Variants in CSMD1 observed in about 807,000 individuals in gnomAD.
CSMD1 encodes CUB and sushi domain-containing protein 1.
Under a neutral mutation model 417.5 loss-of-function variants are expected in CSMD1, and 213 were observed. The observed-to-expected ratio is 0.51, with a 90% CI of 0.46 to 0.57. The LOEUF (loss-of-function observed/expected upper bound fraction) is 0.57. Ranked by LOEUF, CSMD1 falls within the 20% of genes least tolerant of loss-of-function variation. The pLI is 0.00. For synonymous variants in CSMD1, 2,862 were observed against 1,736.8 expected, an observed-to-expected ratio of 1.65 and a Z score of -16.11; for missense variants, 6,923 against 4,529.7, an observed-to-expected ratio of 1.53 and a Z score of -15.17.
chr8:3,821,211 C>T (rs531337501), intron 5 of CSMD1, among the ~76,000 whole-genome samples: 4 of 152,130 alleles, frequency 2.6e-5, no homozygotes, highest in African/African-American at 7.2e-5. Flanking sequence ...AACCACCGTA[C>T]CCAGCTCTAG....
chr8:4,185,267 G>A (rs1000263673), intron 3 of CSMD1, among the ~76,000 whole-genome samples: 13 of 151,706 alleles, frequency 8.6e-5, no homozygotes, highest in East Asian at 3.9e-4. Context: ...CTTGCAATTC[G>A]TCATGATCTT....
chr8:4,487,093 TC>T (rs1008969027), intron 2 of CSMD1, among the ~76,000 whole-genome samples: 3 of 152,136 alleles, frequency 2.0e-5, no homozygotes, highest in African/African-American at 7.2e-5. Flanking sequence ...CTTTTTGCCA[TC>T]TTAGCCTCAA....
At chr8:4,863,626 C>T (rs145016642) in intron 1 of CSMD1, among the ~76,000 whole-genome samples, 1 of 152,128 alleles carries the variant, frequency 6.6e-6, no homozygotes, top group African/African-American at 2.4e-5. Context: ...TCCCACCTCT[C>T]CATATCCACC....
chr8:3,217,286 G>A (rs1016721685), intron 29 of CSMD1, among the ~76,000 whole-genome samples: 1 of 152,208 alleles, frequency 6.6e-6, no homozygotes, highest in Non-Finnish European at 1.5e-5. Context: ...CTCCACTGGA[G>A]AGCTTTTAAA....
At chr8:3,925,498 T>C (rs1388208919) in intron 5 of CSMD1, among the ~76,000 whole-genome samples, 1 of 152,192 alleles carries the variant, frequency 6.6e-6, no homozygotes, top group Non-Finnish European at 1.5e-5. Flanking sequence ...AAGACACTGA[T>C]GCGGTTTGGC....
At chr8:3,805,626 A>C (rs1454809004) in intron 5 of CSMD1, among the ~76,000 whole-genome samples, 1 of 152,156 alleles carries the variant, frequency 6.6e-6, no homozygotes, top group Non-Finnish European at 1.5e-5. Context: ...TAGAAAGGAT[A>C]TTACCTTGGT....
chr8:3,448,785 G>C (rs10109781), intron 12 of CSMD1, among the ~76,000 whole-genome samples: 61,468 of 152,016 alleles, frequency 0.4, 13,227 homozygotes, highest in Middle Eastern at 0.51. Flanking sequence ...TCAGGCAATA[G>C]TGAGTGACTT....
At chr8:4,706,689 A>G (rs1387687750) in intron 1 of CSMD1, among the ~76,000 whole-genome samples, 1 of 152,316 alleles carries the variant, frequency 6.6e-6, no homozygotes, top group East Asian at 1.9e-4. Flanking sequence ...GAAGTTAATA[A>G]TGGCATGAAA....
intron 6 of CSMD1, among the ~76,000 whole-genome samples, chr8:3,728,253 AT>A (rs1802612133): frequency 6.6e-6 from 1 of 151,990 alleles, no homozygotes; most frequent in Non-Finnish European, 1.5e-5. Context: ...CTTGGTTCTT[AT>A]TCTCTCTTTG....
intron 3 of CSMD1, among the ~76,000 whole-genome samples, chr8:4,322,966 C>T (rs772765865): frequency 1.3e-5 from 2 of 152,170 alleles, no homozygotes; most frequent in African/African-American, 4.8e-5. Flanking sequence ...GCCTGGGTGA[C>T]AGAGCGAGAC....
At chr8:3,513,331 C>A (rs1797156244) in intron 10 of CSMD1, among the ~76,000 whole-genome samples, 2 of 150,998 alleles carry the variant, frequency 1.3e-5, no homozygotes, top group South Asian at 4.2e-4. Flanking sequence ...TTGTCACTTG[C>A]CCACAGATTT....
At chr8:4,173,749 T>C (rs1797890940) in intron 3 of CSMD1, among the ~76,000 whole-genome samples, 1 of 152,052 alleles carries the variant, frequency 6.6e-6, no homozygotes, top group South Asian at 2.1e-4. Context: ...ATAAAAAACT[T>C]ATTTTCAATA....
At chr8:3,779,581 T>C (rs1334632016) in intron 5 of CSMD1, among the ~76,000 whole-genome samples, 3 of 152,208 alleles carry the variant, frequency 2.0e-5, no homozygotes, top group Non-Finnish European at 4.4e-5. Context: ...CCAAAAGCAA[T>C]TATGCTGCTG....
At chr8:3,523,011 A>G (rs1797573065) in intron 10 of CSMD1, among the ~76,000 whole-genome samples, 1 of 113,548 alleles carries the variant, frequency 8.8e-6, no homozygotes, top group African/African-American at 3.8e-5. Context: ...ATATATACAC[A>G]CACCCACACA....
chr8:3,729,440 T>A (rs1585144847), intron 6 of CSMD1, among the ~76,000 whole-genome samples: 1 of 152,066 alleles, frequency 6.6e-6, no homozygotes, highest in African/African-American at 2.4e-5. Flanking sequence ...GGATATAATA[T>A]CCGCCAGTAG....
chr8:4,662,401 C>A (rs1804661853), intron 1 of CSMD1, among the ~76,000 whole-genome samples: 1 of 152,128 alleles, frequency 6.6e-6, no homozygotes, highest in African/African-American at 2.4e-5. Flanking sequence ...GCATTAGATT[C>A]TACAAAAAGA....
intron 1 of CSMD1, among the ~76,000 whole-genome samples, chr8:4,925,758 AG>A (rs1440770623): frequency 6.6e-6 from 1 of 152,124 alleles, no homozygotes; most frequent in Admixed American, 6.5e-5. Flanking sequence ...CGTGTTGGTC[AG>A]GATGGTCTCA....
intron 2 of CSMD1, among the ~76,000 whole-genome samples, chr8:4,490,337 G>A (rs530507525): frequency 9.2e-4 from 140 of 152,214 alleles, no homozygotes; most frequent in Non-Finnish European, 1.8e-3. Context: ...ACCATATCCA[G>A]CCCAGATATC....
chr8:3,859,544 G>A (rs754941389), intron 5 of CSMD1, among the ~76,000 whole-genome samples: 1 of 152,098 alleles, frequency 6.6e-6, no homozygotes, highest in African/African-American at 2.4e-5. Flanking sequence ...TCAGGGCGAG[G>A]CTAACTACAT....
Sources: gnomAD v4.1 joint callset for allele counts (sites outside exome capture counted in the v4.1 genomes callset) on GRCh38, gnomAD v4.1.1 for gene constraint, MANE v1.5 for transcripts, NCBI Gene and HGNC (gene_info 2026-07-23, HGNC 2026-07-21) for gene names.